Variants in C10orf90 observed in about 807,000 individuals in gnomAD.
C10orf90 encodes chromosome 10 open reading frame 90.
In C10orf90, 56 loss-of-function variants were observed where a neutral mutation model predicts 62.5. The ratio of observed to expected loss-of-function variants is 0.90; its 90% CI spans 0.72 to 1.12. The LOEUF is 1.12. C10orf90 is among the 50% of genes most tolerant of loss of function. The pLI, the probability that C10orf90 is intolerant of heterozygous loss-of-function variation, is 0.00. For missense variants in C10orf90, 970 were observed against 880.4 expected, an observed-to-expected ratio of 1.10 and a Z score of -1.29; for synonymous variants, 386 against 340.4, an observed-to-expected ratio of 1.13 and a Z score of -1.47.
intron 7 of C10orf90, among the ~76,000 whole-genome samples, chr10:126,454,487 C>A (rs962060012): frequency 6.6e-6 from 1 of 151,866 alleles, no homozygotes; most frequent in Admixed American, 6.6e-5. Context: ...AAGGCTGTGC[C>A]CCTACGACCT....
At chr10:126,653,452 T>C (rs899461433) in intron 1 of C10orf90, among the ~76,000 whole-genome samples, 1 of 152,246 alleles carries the variant, frequency 6.6e-6, no homozygotes, top group African/African-American at 2.4e-5. Context: ...ACAATTTTCT[T>C]TGTTCCTTCA....
chr10:126,565,779 C>G (rs1295364697), intron 2 of C10orf90, among the ~76,000 whole-genome samples: 1 of 152,104 alleles, frequency 6.6e-6, no homozygotes, highest in African/African-American at 2.4e-5. Context: ...TGGCCACATT[C>G]CTCTCTCAAA....
intron 2 of C10orf90, among the ~76,000 whole-genome samples, chr10:126,612,684 T>C (rs1264166612): frequency 6.6e-6 from 1 of 152,202 alleles, no homozygotes; most frequent in African/African-American, 2.4e-5. Flanking sequence ...TTCAAGAACA[T>C]GTAAGCTATG....
At chr10:126,474,329 C>T (rs1415247510) in intron 4 of C10orf90, among the ~76,000 whole-genome samples, 1 of 152,150 alleles carries the variant, frequency 6.6e-6, no homozygotes, top group Non-Finnish European at 1.5e-5. Flanking sequence ...GACGAGTCAC[C>T]TCACTCAGGA....
intron 3 of C10orf90, among the ~76,000 whole-genome samples, chr10:126,506,919 AGT>A (rs61651582): frequency 0.18 from 26,880 of 148,920 alleles, 3,978 homozygotes; most frequent in African/African-American, 0.4. Context: ...CAGGAGGGCC[AGT>A]GTGTGTGTGT....
intron 2 of C10orf90, among the ~76,000 whole-genome samples, chr10:126,604,481 A>T (rs1845265816): frequency 6.6e-6 from 1 of 152,222 alleles, no homozygotes; most frequent in Non-Finnish European, 1.5e-5. Flanking sequence ...TTTAGCAAAA[A>T]GTCCTCAGCC....
At chr10:126,512,166 A>C (rs1863145677) in intron 3 of C10orf90, 1 of 152,086 alleles carries the variant, frequency 6.6e-6, no homozygotes, top group African/African-American at 2.4e-5. Flanking sequence ...AAATTGGATA[A>C]TCCAGATGAT....
intron 2 of C10orf90, among the ~76,000 whole-genome samples, chr10:126,573,606 C>T (rs1406202228): frequency 6.6e-6 from 1 of 152,134 alleles, no homozygotes; most frequent in African/African-American, 2.4e-5. Flanking sequence ...GCCCCAGGGC[C>T]TTCCACAGCC....
chr10:126,462,141 G>T (rs1564809281), intron 5 of C10orf90, among the ~76,000 whole-genome samples: 1 of 152,186 alleles, frequency 6.6e-6, no homozygotes, highest in African/African-American at 2.4e-5. Context: ...GTCAGGAAAT[G>T]AATGGATCCA....
rs1183978761 is a variant in C10orf90, at chr10:126,464,878, A to G, written c.1643T>C (p.Ile548Thr). Residue 548 changes from isoleucine (I) to threonine (T), a missense_variant, in exon 5 of 10, where the codon ATT becomes ACT. Ile to Thr is a moderately conservative substitution (Grantham distance 89). Transcript: ENST00000488181. ...GTCATCGCTTGGAGAGCTATCCCCA[A>G]TGGGAAGGAAATGTCTAGTGGGCTT... ...EQKPTRHFLPIGDSSPSDDCL... is the reference protein window; with the variant it reads ...EQKPTRHFLPTGDSSPSDDCL... 1.9e-6 allele frequency: 3 copies of G among 1,614,062 alleles called. No individual in the cohort carries two copies. The highest frequency in any genetic ancestry group is 2.7e-5 in the African/African-American group (2 of 74,918).
chr10:126,584,863 T>C (rs1340402699), intron 2 of C10orf90, among the ~76,000 whole-genome samples: 1 of 152,100 alleles, frequency 6.6e-6, no homozygotes, highest in African/African-American at 2.4e-5. Context: ...TGTGTGTTGG[T>C]AGAGCTCCCT....
chr10:126,599,442 C>A (rs1845152932), intron 2 of C10orf90, among the ~76,000 whole-genome samples: 1 of 151,692 alleles, frequency 6.6e-6, no homozygotes, highest in African/African-American at 2.4e-5. Flanking sequence ...CCTCGTGATC[C>A]ACCTGCCTCG....
At chr10:126,624,124 G>T (rs2576010) in intron 2 of C10orf90, among the ~76,000 whole-genome samples, 4,907 of 152,174 alleles carry the variant, frequency 0.032, 126 homozygotes, top group South Asian at 0.073. Flanking sequence ...GAGGCAGGCA[G>T]ATCATGAGGT....
chr10:126,610,403 GT>G (rs1177569539), intron 2 of C10orf90, among the ~76,000 whole-genome samples: 5 of 152,232 alleles, frequency 3.3e-5, no homozygotes. Flanking sequence ...GGGCTCTGCA[GT>G]TTTCCCTGCC....
At chr10:126,542,023 G>A (rs1864387491) in intron 2 of C10orf90, among the ~76,000 whole-genome samples, 1 of 152,196 alleles carries the variant, frequency 6.6e-6, no homozygotes, top group African/African-American at 2.4e-5. Context: ...GCTATTACAT[G>A]GGTGAACCTT....
chr10:126,607,784 T>C (rs950451094), intron 2 of C10orf90, among the ~76,000 whole-genome samples: 8 of 152,202 alleles, frequency 5.3e-5, no homozygotes, highest in African/African-American at 1.9e-4. Flanking sequence ...CAATGAATTT[T>C]AAGGTAACAA....
chr10:126,428,302 T>C (rs1270423606), intron 8 of C10orf90, among the ~76,000 whole-genome samples: 1 of 152,084 alleles, frequency 6.6e-6, no homozygotes, highest in Non-Finnish European at 1.5e-5. Flanking sequence ...GAAAGTGGGC[T>C]GGGAACAGGG....
At chr10:126,630,977 G>A (rs754755573) in intron 2 of C10orf90, among the ~76,000 whole-genome samples, 8 of 152,130 alleles carry the variant, frequency 5.3e-5, no homozygotes, top group South Asian at 2.1e-4. Context: ...GAGATTCCGC[G>A]TGGAGCAGAG....
chr10:126,668,289 G>A (rs73370887), intron 1 of C10orf90, among the ~76,000 whole-genome samples: 34,023 of 152,076 alleles, frequency 0.22, 3,982 homozygotes, highest in African/African-American at 0.3. Context: ...TCATCCCAGA[G>A]ACCCTGCTCA....
Sources: allele counts gnomAD v4.1 joint callset (sites outside exome capture counted in the v4.1 genomes callset), GRCh38; gene constraint gnomAD v4.1.1; transcripts MANE v1.5; gene names NCBI Gene and HGNC (gene_info 2026-07-23, HGNC 2026-07-21).